FAM120B: variants seen among roughly 807,000 people sequenced by gnomAD.
FAM120B encodes the protein family with sequence similarity 120 member B.
Under a neutral mutation model 96.3 loss-of-function variants are expected in FAM120B, and 83 were observed. That is an observed-to-expected ratio of 0.86 (90% confidence interval 0.72 to 1.03). The LOEUF is 1.03. Among genes scored for constraint, FAM120B ranks in the 50% least tolerant of loss-of-function variants. The probability of loss-of-function intolerance (pLI) is 0.00; values close to 1 mark genes in which losing one functional copy is unlikely to be tolerated. For synonymous variants in FAM120B, 407 were observed against 402.7 expected, an observed-to-expected ratio of 1.01 and a Z score of -0.13; for missense variants, 1,027 against 1,121.2, an observed-to-expected ratio of 0.92 and a Z score of 1.20.
chr6:170,290,912 G>C, upstream of FAM120B: 2 of 695,552 alleles, frequency 2.9e-6, no homozygotes, highest in South Asian at 3.0e-5. The surrounding 1 kb of genome is among the most constrained non-coding windows in gnomAD (Gnocchi z 4.7). Context: ...GTCTCCGCGG[G>C]TGCGCGCAGA....
Position 170,318,633 on chromosome 6 carries a change from A to G in FAM120B, c.1243A>G (p.Met415Val), listed in dbSNP as rs1457537224. Residue 415 changes from methionine to valine, a missense_variant, in exon 2 of 11, where the codon ATG becomes GTG. Coordinates refer to ENST00000476287, the MANE Select transcript of FAM120B (RefSeq NM_032448.3). Reference sequence around the variant, plus strand: ...CCCTGAACCCAGGCAAGAAGTTCCCATGTGTACAGGCCCTGAAGCCAGGCA... The same window carrying G: ...CCCTGAACCCAGGCAAGAAGTTCCCGTGTGTACAGGCCCTGAAGCCAGGCA... ...SDPEPRQEVP[M>V]CTGPEARQEV... 1.9e-6 allele frequency: 3 copies of G among 1,597,752 alleles called. No individual in the cohort carries two copies. The highest frequency in any genetic ancestry group is 2.6e-6 in the Non-Finnish European group (3 of 1,171,008).
chr6:170,339,403 T>A lies in FAM120B; in HGVS notation c.2018-8748T>A, dbSNP rs538252431. The stretch of plus-strand genomic sequence containing the variant: ...AATGATTCCATTCCATTCTAGAAAT[T>A]TGAAGTATGTAACTTGAAATCCTTA... On this transcript the variant is annotated intron_variant, in intron 4 of 10. Transcript: ENST00000476287. Among the ~76,000 whole-genome samples, 4 of 152,104 alleles carry A rather than the reference T, an allele frequency of 2.6e-5. No individual in the cohort carries two copies. In the South Asian group the frequency reaches 8.3e-4, roughly 32 times the overall value.
chr6:170,319,635 C>A (rs925051289), intron 2 of FAM120B, among the ~76,000 whole-genome samples: 2 of 152,036 alleles, frequency 1.3e-5, no homozygotes, highest in Non-Finnish European at 2.9e-5. Context: ...CCAGCCTGGG[C>A]AATAAGAGCA....
chr6:170,401,792 C>A (rs141097215), intron 9 of FAM120B, among the ~76,000 whole-genome samples: 1 of 152,300 alleles, frequency 6.6e-6, no homozygotes, highest in Non-Finnish European at 1.5e-5. Flanking sequence ...TGCTGAACCC[C>A]GGTAAGTATA....
At chr6:170,328,448 T>C (rs1341857946) in intron 3 of FAM120B, among the ~76,000 whole-genome samples, 1 of 152,170 alleles carries the variant, frequency 6.6e-6, no homozygotes, top group Non-Finnish European at 1.5e-5. Context: ...TTTTGCTGCA[T>C]ATAGAATTTT....
At chr6:170,298,902 A>C (rs928803717) in intron 1 of FAM120B, among the ~76,000 whole-genome samples, 1 of 152,202 alleles carries the variant, frequency 6.6e-6, no homozygotes, top group Admixed American at 6.6e-5. Flanking sequence ...AGGGGAACCC[A>C]CACTGACTTA....
At chr6:170,391,909 A>G (rs1028950257) in intron 8 of FAM120B, among the ~76,000 whole-genome samples, 3 of 152,212 alleles carry the variant, frequency 2.0e-5, no homozygotes, top group Non-Finnish European at 4.4e-5. Flanking sequence ...TTTCCCACTT[A>G]GCACTTAACT....
chr6:170,404,061 G>GA (rs560000200), intron 9 of FAM120B: 1 of 154,092 alleles, frequency 6.5e-6, no homozygotes, highest in African/African-American at 2.4e-5. Context: ...TTTAAAATGT[G>GA]AAAAACTGTC....
chr6:170,333,483 C>T (rs1583216799), intron 4 of FAM120B, among the ~76,000 whole-genome samples: 1 of 150,296 alleles, frequency 6.7e-6, no homozygotes, highest in African/African-American at 2.5e-5. Context: ...ATTCAGGGAG[C>T]TTATTTACAT....
intron 6 of FAM120B, among the ~76,000 whole-genome samples, chr6:170,369,596 AGCAGTGCTGGG>A (rs1285897376): frequency 6.6e-6 from 1 of 152,122 alleles, no homozygotes; most frequent in Non-Finnish European, 1.5e-5. Flanking sequence ...AGGTGTTGCC[AGCAGTGCTGGG>A]GCAGGCCCCG....
chr6:170,322,208 G>A (rs1237962022), intron 2 of FAM120B, among the ~76,000 whole-genome samples: 3 of 152,246 alleles, frequency 2.0e-5, no homozygotes, highest in Admixed American at 2.0e-4. Context: ...CTGGCACATG[G>A]TTTTTCACTC....
upstream of FAM120B, among the ~76,000 whole-genome samples, chr6:170,304,355 G>A (rs575277208): frequency 1.3e-5 from 2 of 152,156 alleles, no homozygotes; most frequent in African/African-American, 2.4e-5. Context: ...AAACTCTGAA[G>A]ATCTTTTCTT....
intron 2 of FAM120B, among the ~76,000 whole-genome samples, chr6:170,321,117 A>T (rs1296799502): frequency 6.6e-6 from 1 of 152,222 alleles, no homozygotes; most frequent in Non-Finnish European, 1.5e-5. Flanking sequence ...GTGGGTCGAG[A>T]GTTGTTCACA....
chr6:170,316,022 G>T (rs1784876782), intron 1 of FAM120B, among the ~76,000 whole-genome samples: 1 of 121,868 alleles, frequency 8.2e-6, no homozygotes, highest in African/African-American at 3.2e-5. Flanking sequence ...TCACCCCTCT[G>T]CACTCCAGAC....
upstream of FAM120B, among the ~76,000 whole-genome samples, chr6:170,292,222 C>T (rs946976155): frequency 9.2e-5 from 14 of 152,218 alleles, no homozygotes; most frequent in African/African-American, 3.4e-4. The surrounding 1 kb of genome is among the most constrained non-coding windows in gnomAD (Gnocchi z 6.6). Context: ...GTCCATCAGA[C>T]ACTAGAACTT....
In FAM120B at chr6:170,295,816, C is replaced by T. The variant is rs1783987007; in HGVS notation, c.48+363C>T. On this transcript the variant is annotated intron_variant, in intron 1 of 10. Transcript: ENST00000537664. This position sits in a 1 kb window ranked among gnomAD's most constrained non-coding sequence, Gnocchi z 7.8. ...GCGGTGGGGGGAGTCCGAACCGCGCCACGGGCCCGCGAGACGCCCACCTCT... is the reference window on the plus strand; with the variant it reads ...GCGGTGGGGGGAGTCCGAACCGCGCTACGGGCCCGCGAGACGCCCACCTCT... 6.6e-6 allele frequency among the ~76,000 whole-genome samples: 1 copy of T among 152,120 alleles called. No homozygotes were observed. The highest frequency in any genetic ancestry group is 2.4e-5 in the African/African-American group (1 of 41,436).
rs561136348 is a variant in FAM120B, at chr6:170,402,520, C to T, written c.2693-2030C>T. On this transcript the variant is annotated intron_variant, in intron 9 of 10. Transcript: ENST00000476287. ...CACAGGAGCAGTGCGGGCACGCTGG[C>T]CCTGCTGAGTGAAGCACGCGTGACC... 1.1e-4 allele frequency among the ~76,000 whole-genome samples: 16 copies of T among 152,344 alleles called. No individual in the cohort carries two copies. In the East Asian group the frequency reaches 3.1e-3, roughly 29 times the overall value.
chr6:170,368,299 C>G (rs953560488), intron 6 of FAM120B, among the ~76,000 whole-genome samples: 1 of 152,240 alleles, frequency 6.6e-6, no homozygotes, highest in Non-Finnish European at 1.5e-5. Context: ...TTCCTGTCTT[C>G]TCACCAGACA....
intron 3 of FAM120B, among the ~76,000 whole-genome samples, chr6:170,326,387 C>T (rs901668507): frequency 6.6e-6 from 1 of 152,178 alleles, no homozygotes; most frequent in Non-Finnish European, 1.5e-5. Flanking sequence ...AATCTTTCTT[C>T]CCCCCATTCC....
Sources: gnomAD v4.1 joint callset for allele counts (sites outside exome capture counted in the v4.1 genomes callset) on GRCh38, gnomAD v4.1.1 for gene constraint, Gnocchi (gnomAD v3.1) non-coding constraint, MANE v1.5 for transcripts, NCBI Gene and HGNC (gene_info 2026-07-23, HGNC 2026-07-21) for gene names.